Variants in DCAF1 observed in about 807,000 individuals in gnomAD.
DCAF1 encodes the protein DDB1 and CUL4 associated factor 1.
Under a neutral mutation model 128.0 loss-of-function variants are expected in DCAF1, and 15 were observed. The ratio of observed to expected loss-of-function variants is 0.12; its 90% CI spans 0.08 to 0.18. The LOEUF (loss-of-function observed/expected upper bound fraction) is 0.18, where lower values mean the gene tolerates loss of function less well. Among genes scored for constraint, DCAF1 ranks in the 10% least tolerant of loss-of-function variants. The pLI, the probability that DCAF1 is intolerant of heterozygous loss-of-function variation, is 1.00. For synonymous variants in DCAF1, 610 were observed against 603.0 expected, an observed-to-expected ratio of 1.01 and a Z score of -0.17; for missense variants, 988 against 1,649.5, an observed-to-expected ratio of 0.60 and a Z score of 6.95.
Position 51,455,074 on chromosome 3 carries a change from AGTTT to A in DCAF1, c.375+8036_375+8039del, listed in dbSNP as rs527456202. 2.1e-4 allele frequency among the ~76,000 whole-genome samples: 32 copies of A among 152,314 alleles called. No homozygotes were observed. The South Asian group carries it at 6.4e-3, about 31-fold the overall frequency. The stretch of plus-strand genomic sequence containing the variant: ...ACACTTACTCTTATTTGAAATTATC[AGTTT>A]ATTTTTGTTTGCCCACCCCCAAACA... On this transcript the variant is annotated intron_variant, in intron 6 of 24. Coordinates refer to ENST00000684031, the MANE Select transcript of DCAF1 (RefSeq NM_001387579.1).
At chr3:51,480,589 A>C (rs1706061429) in intron 3 of DCAF1, among the ~76,000 whole-genome samples, 1 of 119,496 alleles carries the variant, frequency 8.4e-6, no homozygotes, top group Admixed American at 9.8e-5. Flanking sequence ...ACAGAGCTAG[A>C]GTCTGCCTCA....
chr3:51,444,351 C>T (rs976738941), intron 6 of DCAF1, among the ~76,000 whole-genome samples: 1 of 151,052 alleles, frequency 6.6e-6, no homozygotes, highest in Non-Finnish European at 1.5e-5. Flanking sequence ...CATATCAGAA[C>T]CTTCTTTTTA....
chr3:51,484,331 G>C (rs1706656590), intron 2 of DCAF1, among the ~76,000 whole-genome samples: 1 of 151,924 alleles, frequency 6.6e-6, no homozygotes, highest in Admixed American at 6.6e-5. Context: ...AAATTATCTG[G>C]ACATGGTGGC....
At chr3:51,422,006 G>A (rs1018086427) in intron 14 of DCAF1, among the ~76,000 whole-genome samples, 2 of 151,966 alleles carry the variant, frequency 1.3e-5, no homozygotes, top group African/African-American at 2.4e-5. Context: ...TTTCAGGAAA[G>A]CTATAATATA....
At chr3:51,405,783 TG>T (rs2090060151) in intron 23 of DCAF1, among the ~76,000 whole-genome samples, 1 of 152,160 alleles carries the variant, frequency 6.6e-6, no homozygotes, top group Non-Finnish European at 1.5e-5. Context: ...AAGTAACTGG[TG>T]GCATGAACCC....
At chr3:51,415,166 G>A (rs931590710) in intron 18 of DCAF1, among the ~76,000 whole-genome samples, 1 of 152,050 alleles carries the variant, frequency 6.6e-6, no homozygotes, top group African/African-American at 2.4e-5. Context: ...CTCTTCTCTA[G>A]TCCCCTTGAT....
intron 24 of DCAF1, among the ~76,000 whole-genome samples, chr3:51,399,835 A>C (rs1287285321): frequency 6.6e-6 from 1 of 152,220 alleles, no homozygotes; most frequent in South Asian, 2.1e-4. Flanking sequence ...AAAACAGACA[A>C]ACCCTGAGCT....
At chr3:51,425,403 T>C (rs1359927404) in intron 13 of DCAF1, among the ~76,000 whole-genome samples, 4 of 151,704 alleles carry the variant, frequency 2.6e-5, no homozygotes, top group African/African-American at 9.7e-5. Flanking sequence ...ACCTGGGAGG[T>C]GGAGGTTGGA....
intron 18 of DCAF1, among the ~76,000 whole-genome samples, chr3:51,415,281 C>T (rs782721837): frequency 2.0e-5 from 3 of 151,974 alleles, no homozygotes; most frequent in Non-Finnish European, 4.4e-5. Context: ...TCACTTGAGC[C>T]CAGGAGTTCG....
At chr3:51,423,041 C>G (rs1294060028) in intron 13 of DCAF1, among the ~76,000 whole-genome samples, 2 of 150,410 alleles carry the variant, frequency 1.3e-5, no homozygotes, top group Non-Finnish European at 3.0e-5. Flanking sequence ...GCACTCCAGT[C>G]TGGGCAACAG....
intron 1 of DCAF1, among the ~76,000 whole-genome samples, 37 bp from the exon 2 acceptor site, chr3:51,496,817 G>A (rs1708279350): frequency 6.6e-6 from 1 of 152,068 alleles, no homozygotes; most frequent in African/African-American, 2.4e-5. Context: ...GGGGTTAAAT[G>A]ACAATATTGT....
chr3:51,463,526 T>C (rs911739797), intron 5 of DCAF1, among the ~76,000 whole-genome samples: 3 of 152,170 alleles, frequency 2.0e-5, no homozygotes, highest in African/African-American at 7.2e-5. Context: ...TGCACACTTG[T>C]AATCCCAGCA....
chr3:51,455,092 C>T (rs1000988956), intron 6 of DCAF1, among the ~76,000 whole-genome samples: 1 of 152,106 alleles, frequency 6.6e-6, no homozygotes, highest in East Asian at 1.9e-4. Context: ...TTTGTTTGCC[C>T]ACCCCCAAAC....
chr3:51,460,210 C>G (rs1336685490), intron 6 of DCAF1, among the ~76,000 whole-genome samples: 1 of 152,180 alleles, frequency 6.6e-6, no homozygotes, highest in Non-Finnish European at 1.5e-5. Context: ...TCAGCAAAGT[C>G]TCAGGATACA....
At chr3:51,430,642 A>G (rs782035520) in intron 10 of DCAF1, among the ~76,000 whole-genome samples, 88 of 152,274 alleles carry the variant, frequency 5.8e-4, no homozygotes, top group East Asian at 5.8e-4. Flanking sequence ...GATGTCTACT[A>G]TGGGTCAGAA....
chr3:51,486,892 A>G (rs1160702635), intron 2 of DCAF1, among the ~76,000 whole-genome samples: 1 of 151,986 alleles, frequency 6.6e-6, no homozygotes, highest in African/African-American at 2.4e-5. Context: ...TCGGCCTCCC[A>G]AAGTGCTGGG....
chr3:51,413,238 C>T lies in DCAF1; in HGVS notation c.4036+44G>A, dbSNP rs540134430. 52 of 1,587,436 alleles carry T rather than the reference C, an allele frequency of 3.3e-5. No individual in the cohort carries two copies. In the African/African-American group the frequency reaches 5.8e-4, roughly 18 times the overall value. The stretch of plus-strand genomic sequence containing the variant: ...AATGAAGGATCTTAAATAAGGAACA[C>T]CAAAACACGACAAAATGTTCAATGT... On this transcript the variant is annotated intron_variant, in intron 21 of 24. Coordinates refer to ENST00000684031, the MANE Select transcript of DCAF1 (RefSeq NM_001387579.1).
At chr3:51,479,268 G>A (rs889410801) in intron 3 of DCAF1, among the ~76,000 whole-genome samples, 9 of 152,038 alleles carry the variant, frequency 5.9e-5, no homozygotes, top group African/African-American at 1.4e-4. Context: ...CTGGGAGGCC[G>A]AGGCAGGTGG....
At chr3:51,439,659 T>C (rs1435200618) in intron 9 of DCAF1, among the ~76,000 whole-genome samples, 1 of 152,074 alleles carries the variant, frequency 6.6e-6, no homozygotes, top group African/African-American at 2.4e-5. Context: ...TTGTTAATCC[T>C]AGGTAATTTT....
Sources: gnomAD v4.1 joint callset for allele counts (sites outside exome capture counted in the v4.1 genomes callset) on GRCh38, gnomAD v4.1.1 for gene constraint, MANE v1.5 for transcripts, NCBI Gene and HGNC (gene_info 2026-07-23, HGNC 2026-07-21) for gene names.